The following PTPRD variants were observed in gnomAD, a reference collection of about 807,000 sequenced individuals.
The protein encoded by PTPRD is protein tyrosine phosphatase receptor type D.
PTPRD carries 34 observed loss-of-function variants against 214.5 expected under a neutral mutation model. The observed-to-expected ratio is 0.16, with a 90% CI of 0.12 to 0.21. PTPRD has a LOEUF of 0.21. Ranked by LOEUF, PTPRD falls within the 10% of genes least tolerant of loss-of-function variation. The pLI is 1.00. For synonymous variants in PTPRD, 1,128 were observed against 845.7 expected (o/e 1.33, Z -5.79); for missense variants, 2,545 against 2,398.7 (o/e 1.06, Z -1.27).
intron 34 of PTPRD, among the ~76,000 whole-genome samples, chr9:8,438,224 T>C (rs895121349): frequency 2.0e-5 from 3 of 152,194 alleles, no homozygotes; most frequent in Non-Finnish European, 4.4e-5. Flanking sequence ...AGTTCCTTTA[T>C]CTCAAATGCC....
chr9:8,464,980 G>T (rs879714206), intron 32 of PTPRD, among the ~76,000 whole-genome samples: 15 of 151,858 alleles, frequency 9.9e-5, no homozygotes, highest in Admixed American at 2.0e-4. Context: ...GCAGATATAG[G>T]AGAATAAATA....
At chr9:9,967,674 T>TGAG (rs1316789557) in intron 4 of PTPRD, among the ~76,000 whole-genome samples, 3 of 152,034 alleles carry the variant, frequency 2.0e-5, no homozygotes, top group African/African-American at 7.2e-5. Context: ...AAACAGAAAA[T>TGAG]GAGAAGTTTA....
chr9:9,607,108 G>C (rs933729288), intron 7 of PTPRD, among the ~76,000 whole-genome samples: 42 of 150,392 alleles, frequency 2.8e-4, no homozygotes, highest in African/African-American at 1.0e-3. Context: ...TTTATATTTA[G>C]GTTTACACAG....
At chr9:9,638,092 C>A (rs1375682587) in intron 7 of PTPRD, among the ~76,000 whole-genome samples, 1 of 152,130 alleles carries the variant, frequency 6.6e-6, no homozygotes, top group African/African-American at 2.4e-5. Context: ...TAAATAATAT[C>A]AGGCTGCCTT....
At chr9:9,298,300 A>G (rs1435711423) in intron 9 of PTPRD, among the ~76,000 whole-genome samples, 4 of 151,696 alleles carry the variant, frequency 2.6e-5, no homozygotes, top group Non-Finnish European at 4.4e-5. Context: ...AATTTTAAAC[A>G]TCCTTTGTAC....
intron 5 of PTPRD, among the ~76,000 whole-genome samples, chr9:9,899,189 A>C (rs1417743233): frequency 2.0e-5 from 3 of 152,114 alleles, no homozygotes; most frequent in Non-Finnish European, 4.4e-5. Context: ...CAAAATATGT[A>C]GAGAATCTGT....
intron 5 of PTPRD, among the ~76,000 whole-genome samples, chr9:9,911,077 G>A (rs934574666): frequency 6.6e-6 from 1 of 151,926 alleles, no homozygotes; most frequent in Non-Finnish European, 1.5e-5. Context: ...TGCTTGGCTT[G>A]TAATCCTGGT....
intron 7 of PTPRD, among the ~76,000 whole-genome samples, chr9:9,636,703 G>T (rs2095782692): frequency 1.3e-5 from 2 of 152,292 alleles, no homozygotes; most frequent in Admixed American, 1.3e-4. Context: ...AACAAAAGTG[G>T]CAGAATAGAG....
At chr9:9,327,951 G>A (rs2040682723) in intron 9 of PTPRD, among the ~76,000 whole-genome samples, 1 of 151,096 alleles carries the variant, frequency 6.6e-6, no homozygotes, top group African/African-American at 2.4e-5. Flanking sequence ...TTTTAAGAAA[G>A]TTTACAAATT....
At chr9:8,378,309 G>A (rs757014577) in intron 37 of PTPRD, among the ~76,000 whole-genome samples, 4 of 152,000 alleles carry the variant, frequency 2.6e-5, no homozygotes, top group African/African-American at 7.2e-5. Flanking sequence ...CCAGGCATGG[G>A]CATCTCTATA....
intron 12 of PTPRD, among the ~76,000 whole-genome samples, chr9:8,657,662 G>T (rs1396601090): frequency 1.3e-5 from 2 of 152,042 alleles, no homozygotes; most frequent in East Asian, 1.9e-4. Context: ...ATCAATTTTT[G>T]CTTTTGTTGC....
intron 2 of PTPRD, among the ~76,000 whole-genome samples, chr9:10,599,092 G>A (rs77590046): frequency 1.6e-4 from 24 of 151,560 alleles, no homozygotes; most frequent in East Asian, 3.9e-4. Context: ...TGCTTTGTGC[G>A]GCGAAATTGG....
At chr9:9,886,341 C>A (rs75508340) in intron 5 of PTPRD, among the ~76,000 whole-genome samples, 2 of 152,022 alleles carry the variant, frequency 1.3e-5, no homozygotes, top group East Asian at 1.9e-4. Flanking sequence ...TTTACATAAA[C>A]AAGAGTAATA....
In PTPRD at chr9:9,365,366, A is replaced by C. The variant is rs184703400; in HGVS notation, c.-203+32083T>G. Reference sequence around the variant, plus strand: ...TTGGTATTAGCCTTAATAGAGACTAAAGATTATTTTTATGCACTGAAGAAA... The same window carrying C: ...TTGGTATTAGCCTTAATAGAGACTACAGATTATTTTTATGCACTGAAGAAA... On this transcript the variant is annotated intron_variant, in intron 9 of 45. Coordinates refer to ENST00000381196, the MANE Select transcript of PTPRD (RefSeq NM_002839.4). Among the ~76,000 whole-genome samples, 5 of 151,650 alleles carry C rather than the reference A, an allele frequency of 3.3e-5. No homozygotes were observed. The East Asian group carries it at 9.7e-4, about 30-fold the overall frequency.
chr9:10,464,732 T>C (rs1332637278), intron 2 of PTPRD, among the ~76,000 whole-genome samples: 1 of 151,818 alleles, frequency 6.6e-6, no homozygotes, highest in Non-Finnish European at 1.5e-5. Context: ...AAAAAAAAAC[T>C]CATCGTCTCA....
intron 6 of PTPRD, among the ~76,000 whole-genome samples, chr9:9,765,927 G>T (rs1179583642): frequency 1.3e-5 from 2 of 152,180 alleles, no homozygotes; most frequent in African/African-American, 4.8e-5. Flanking sequence ...CTCCCAAAGT[G>T]CTGGGATTAC....
intron 10 of PTPRD, among the ~76,000 whole-genome samples, chr9:9,114,180 C>A (rs768639589): frequency 5.3e-5 from 8 of 152,088 alleles, no homozygotes; most frequent in Non-Finnish European, 1.2e-4. Flanking sequence ...AATCATGTTG[C>A]CTTTAAGGTC....
chr9:9,191,445 A>T, intron 9 of PTPRD, among the ~76,000 whole-genome samples: 1 of 152,114 alleles, frequency 6.6e-6, no homozygotes, highest in East Asian at 1.9e-4. Context: ...CACCCCGCTA[A>T]TGCAGCTACC....
At chr9:8,798,605 CT>C (rs1311619061) in intron 11 of PTPRD, among the ~76,000 whole-genome samples, 1 of 152,164 alleles carries the variant, frequency 6.6e-6, no homozygotes, top group Non-Finnish European at 1.5e-5. Flanking sequence ...AAAGCTGTGA[CT>C]TTTTTACTCA....
Sources: allele counts gnomAD v4.1 joint callset (sites outside exome capture counted in the v4.1 genomes callset), GRCh38; gene constraint gnomAD v4.1.1; transcripts MANE v1.5; gene names NCBI Gene and HGNC (gene_info 2026-07-23, HGNC 2026-07-21).